RBFOX1: variants seen among roughly 807,000 people sequenced by gnomAD.
RBFOX1 encodes RNA binding fox-1 homolog 1, also known as RNA binding protein fox-1 homolog 1.
In RBFOX1, 8 loss-of-function variants were observed where a neutral mutation model predicts 57.7. The ratio of observed to expected loss-of-function variants is 0.14; its 90% confidence interval spans 0.08 to 0.25. RBFOX1 has a LOEUF of 0.25. Ranked by LOEUF, RBFOX1 falls within the 10% of genes least tolerant of loss-of-function variation. RBFOX1 has a pLI of 1.00. For missense variants in RBFOX1, 611 were observed against 548.5 expected (o/e 1.11, Z -1.14); for synonymous variants, 326 against 222.4 (o/e 1.47, Z -4.15).
chr16:7,163,215 G>T (rs761639256), intron 4 of RBFOX1, among the ~76,000 whole-genome samples: 17 of 152,136 alleles, frequency 1.1e-4, no homozygotes, highest in Non-Finnish European at 2.1e-4. Flanking sequence ...GTTAAAGCAG[G>T]GGGAGTCTAC....
intron 4 of RBFOX1, among the ~76,000 whole-genome samples, chr16:7,159,511 G>C (rs956280587): frequency 6.6e-6 from 1 of 152,172 alleles, no homozygotes; most frequent in African/African-American, 2.4e-5. Flanking sequence ...TGGAAATCAC[G>C]CTCCATGCGC....
At chr16:6,852,299 T>C (rs1196151908) in intron 3 of RBFOX1, among the ~76,000 whole-genome samples, 9 of 152,144 alleles carry the variant, frequency 5.9e-5, no homozygotes, top group Admixed American at 5.9e-4. Context: ...TGCCTCTGCG[T>C]CTTTCTTTTA....
At chr16:7,443,353 C>G (rs1024500650) in intron 4 of RBFOX1, among the ~76,000 whole-genome samples, 7 of 151,914 alleles carry the variant, frequency 4.6e-5, no homozygotes, top group African/African-American at 1.7e-4. Context: ...TACCCCATCC[C>G]CCTCCTGTCT....
intron 3 of RBFOX1, among the ~76,000 whole-genome samples, chr16:6,751,332 C>A (rs2074899757): frequency 6.6e-6 from 1 of 151,946 alleles, no homozygotes; most frequent in Non-Finnish European, 1.5e-5. Context: ...TGCCCTCTAC[C>A]AGAAAAATGA....
intron 3 of RBFOX1, among the ~76,000 whole-genome samples, chr16:5,752,102 C>G (rs879759068): frequency 6.6e-6 from 1 of 151,988 alleles, no homozygotes; most frequent in Non-Finnish European, 1.5e-5. Context: ...AAAAAAAGAA[C>G]GAGATCATGT....
intron 3 of RBFOX1, among the ~76,000 whole-genome samples, chr16:5,686,141 G>A (rs1056317986): frequency 6.6e-6 from 1 of 152,138 alleles, no homozygotes; most frequent in Non-Finnish European, 1.5e-5. Context: ...GATGTTACTT[G>A]TGTGAATTTT....
intron 2 of RBFOX1, among the ~76,000 whole-genome samples, chr16:5,524,340 T>A (rs978976573): frequency 6.6e-6 from 1 of 152,194 alleles, no homozygotes; most frequent in Non-Finnish European, 1.5e-5. Context: ...TTCTTTTGGG[T>A]TAAGCATTGC....
chr16:6,309,650 C>G (rs995897511), intron 1 of RBFOX1, among the ~76,000 whole-genome samples: 1 of 151,394 alleles, frequency 6.6e-6, no homozygotes, highest in Admixed American at 6.6e-5. Flanking sequence ...CAATAAGGCT[C>G]AAAGGGAGGC....
At chr16:7,585,873 G>T (rs570369563) in intron 6 of RBFOX1, among the ~76,000 whole-genome samples, 1 of 152,196 alleles carries the variant, frequency 6.6e-6, no homozygotes, top group Non-Finnish European at 1.5e-5. Flanking sequence ...AACCTCCCCT[G>T]CTTCTTGTGT....
At chr16:6,381,827 C>T (rs544379420) in intron 2 of RBFOX1, among the ~76,000 whole-genome samples, 1 of 152,226 alleles carries the variant, frequency 6.6e-6, no homozygotes, top group Non-Finnish European at 1.5e-5. Context: ...CATTATCATG[C>T]ATTCACCTGG....
At chr16:6,189,584 G>A (rs879785496) in intron 1 of RBFOX1, among the ~76,000 whole-genome samples, 5 of 151,448 alleles carry the variant, frequency 3.3e-5, no homozygotes, top group South Asian at 2.1e-4. Context: ...ACCTGCTCTC[G>A]TTGTTGGGGG....
intron 1 of RBFOX1, among the ~76,000 whole-genome samples, chr16:5,454,807 CCCTTTCCTTT>C (rs894835990): frequency 2.4e-5 from 3 of 126,106 alleles, no homozygotes; most frequent in Non-Finnish European, 5.1e-5. Context: ...TTCTTTCTTT[CCCTTTCCTTT>C]CCTTTCTTTC....
chr16:6,969,103 A>C (rs748681956), intron 3 of RBFOX1, among the ~76,000 whole-genome samples: 2 of 152,086 alleles, frequency 1.3e-5, no homozygotes, highest in Non-Finnish European at 2.9e-5. Flanking sequence ...CTCCTAATGC[A>C]TTGGTTAAGA....
intron 11 of RBFOX1, among the ~76,000 whole-genome samples, chr16:7,642,607 T>TTAGA (rs1230567286): frequency 6.6e-6 from 1 of 152,140 alleles, no homozygotes; most frequent in Non-Finnish European, 1.5e-5. Flanking sequence ...CAGCCAGCTG[T>TTAGA]TAGATAGAAC....
intron 4 of RBFOX1, among the ~76,000 whole-genome samples, chr16:7,479,272 C>A (rs769387159): frequency 6.6e-6 from 1 of 151,998 alleles, no homozygotes; most frequent in South Asian, 2.1e-4. Context: ...TACAGGCATG[C>A]ACCACCACAC....
intron 3 of RBFOX1, among the ~76,000 whole-genome samples, chr16:5,776,053 G>A (rs2054137398): frequency 6.6e-6 from 1 of 152,138 alleles, no homozygotes; most frequent in South Asian, 2.1e-4. Flanking sequence ...ATAAAAAATG[G>A]AAATGGCTTT....
chr16:6,411,572 C>A (rs1237928328), intron 2 of RBFOX1, among the ~76,000 whole-genome samples: 1 of 152,096 alleles, frequency 6.6e-6, no homozygotes, highest in Non-Finnish European at 1.5e-5. Context: ...GGACATTATG[C>A]AATTATTACC....
intron 1 of RBFOX1, among the ~76,000 whole-genome samples, chr16:6,133,114 C>G (rs2096641625): frequency 6.6e-6 from 1 of 151,206 alleles, no homozygotes; most frequent in Admixed American, 6.6e-5. Flanking sequence ...AATGTCTTCT[C>G]TGGAGGTATC....
At chr16:7,639,485 T>C (rs75224008) in intron 11 of RBFOX1, among the ~76,000 whole-genome samples, 1,633 of 152,322 alleles carry the variant, frequency 0.011, 30 homozygotes, top group African/African-American at 0.038. Context: ...CCAATCTTTA[T>C]TGAAGTTTTT....
Sources: gnomAD v4.1 joint callset for allele counts (sites outside exome capture counted in the v4.1 genomes callset) on GRCh38, gnomAD v4.1.1 for gene constraint, MANE v1.5 for transcripts, NCBI Gene and HGNC (gene_info 2026-07-23, HGNC 2026-07-21) for gene names.